The following EIF4G3 variants were observed in gnomAD, a reference collection of about 807,000 sequenced individuals.
EIF4G3 encodes the protein eukaryotic translation initiation factor 4 gamma 3, also known as eIF-4-gamma 3.
A neutral mutation model predicts 186.4 loss-of-function variants in EIF4G3; 34 were observed. The ratio of observed to expected loss-of-function variants is 0.18; its 90% CI spans 0.14 to 0.24. The LOEUF (loss-of-function observed/expected upper bound fraction) is 0.24. EIF4G3 is among the 10% of genes least tolerant of loss of function. The probability of loss-of-function intolerance (pLI) is 1.00; values close to 1 mark genes in which losing one functional copy is unlikely to be tolerated. For synonymous variants in EIF4G3, 673 were observed against 679.5 expected, an observed-to-expected ratio of 0.99 and a Z score of 0.15; for missense variants, 1,536 against 1,948.5, an observed-to-expected ratio of 0.79 and a Z score of 3.99.
intron 2 of EIF4G3, among the ~76,000 whole-genome samples, chr1:21,158,019 C>G (rs371379753): frequency 6.6e-6 from 1 of 152,124 alleles, no homozygotes; most frequent in Admixed American, 6.5e-5. Context: ...ATTTGACCAA[C>G]TGGAGGTTTC....
chr1:20,893,740 A>G, intron 17 of EIF4G3, 104 bp from the exon 18 acceptor site: 2 of 1,324,614 alleles, frequency 1.5e-6, no homozygotes, highest in African/African-American at 1.5e-5. Flanking sequence ...CTGAAACGGT[A>G]AGCACCAGCT....
At chr1:20,828,953 T>C (rs1301309033) in intron 31 of EIF4G3, among the ~76,000 whole-genome samples, 194 bp downstream of exon 31, 3 of 152,078 alleles carry the variant, frequency 2.0e-5, no homozygotes, top group African/African-American at 7.2e-5. Context: ...GGCTATCATA[T>C]CCCCAGAATA....
intron 3 of EIF4G3, among the ~76,000 whole-genome samples, chr1:21,073,409 A>C (rs901547986): frequency 2.0e-5 from 3 of 152,228 alleles, no homozygotes; most frequent in African/African-American, 4.8e-5. Flanking sequence ...CTCAAAAGGA[A>C]ATGCTCTACT....
At chr1:20,819,746 C>A (rs2061856775) in intron 33 of EIF4G3, among the ~76,000 whole-genome samples, 1 of 152,058 alleles carries the variant, frequency 6.6e-6, no homozygotes, top group African/African-American at 2.4e-5. Flanking sequence ...AGGCTTAATA[C>A]CTGGGTGACA....
chr1:20,810,987 T>C lies in EIF4G3; in HGVS notation c.4598-103A>G, dbSNP rs1306736513. 1.2e-4 allele frequency: 147 copies of C among 1,181,326 alleles called. No individual in the cohort carries two copies. The highest frequency in any genetic ancestry group is 3.1e-4 in the Middle Eastern group (1 of 3,256). The allele number at this position is 1,181,326 out of a possible 1,614,324, so 73.2% of individuals were successfully genotyped here. A position where few individuals can be genotyped will look rare whatever the true frequency, so the allele number is the denominator to read the frequency against. ...TTTTTTGAGACAGAGCCTCACTCTA[T>C]TGCCCAGGCTGGAGTGCAGTGGCAC... On this transcript the variant is annotated intron_variant, in intron 35 of 36. Transcript: ENST00000602326. The surrounding 1 kb of genome is among the most constrained non-coding windows in gnomAD (Gnocchi z 4.1).
At chr1:21,044,894 C>CTGAG (rs1263007636) in intron 4 of EIF4G3, among the ~76,000 whole-genome samples, 4 of 152,288 alleles carry the variant, frequency 2.6e-5, no homozygotes, top group Non-Finnish European at 2.9e-5. Context: ...CTTTGTGAGG[C>CTGAG]TGAGGCTGGA....
intron 7 of EIF4G3, among the ~76,000 whole-genome samples, chr1:20,994,300 T>C (rs973659299): frequency 2.6e-5 from 4 of 152,212 alleles, no homozygotes; most frequent in Admixed American, 2.0e-4. Flanking sequence ...ATACCACACA[T>C]AATGCCGGTT....
chr1:21,034,275 A>T (rs1022286631), intron 4 of EIF4G3, among the ~76,000 whole-genome samples: 1 of 152,210 alleles, frequency 6.6e-6, no homozygotes, highest in Admixed American at 6.5e-5. Flanking sequence ...GTTATCTACC[A>T]CAAATATTGC....
chr1:20,841,013 C>T lies in EIF4G3; in HGVS notation c.3904G>A (p.Val1302Met), dbSNP rs1160831286. Residue 1302 changes from valine to methionine, a missense_variant, in exon 30 of 37, where the codon GTG becomes ATG. By Grantham distance (21) the Val-to-Met change is conservative. Transcript: ENST00000602326. ...AGGCCCTGGGCATTCAGCTCTTCCA[C>T]ACACTGCATGGCTTCCTGTTCCAAC... ...INDFKEAMQC[V>M]EELNAQGLLH... is the part of the protein sequence containing the mutation. 1 of 1,614,030 alleles carries T rather than the reference C, an allele frequency of 6.2e-7. No homozygotes were observed. Among genetic ancestry groups the T allele is most frequent in the Admixed American group, 1.7e-5 (1 of 59,970 alleles).
intron 11 of EIF4G3, among the ~76,000 whole-genome samples, chr1:20,972,549 G>T (rs143558399): frequency 3.3e-5 from 5 of 151,982 alleles, no homozygotes; most frequent in African/African-American, 1.2e-4. Flanking sequence ...CATGAGAATC[G>T]CTTGAGCCCC....
chr1:20,998,710 T>C (rs947937665), intron 6 of EIF4G3: 3 of 219,778 alleles, frequency 1.4e-5, no homozygotes, highest in Admixed American at 5.2e-5. Flanking sequence ...ACATTAACTA[T>C]TGTAATATTA....
chr1:21,159,151 G>A (rs978160475), intron 2 of EIF4G3, among the ~76,000 whole-genome samples: 1 of 152,152 alleles, frequency 6.6e-6, no homozygotes, highest in African/African-American at 2.4e-5. Flanking sequence ...AAAAAACAAG[G>A]GCTGGGTGCA....
At chr1:21,152,830 G>C (rs2097574320) in intron 2 of EIF4G3, among the ~76,000 whole-genome samples, 1 of 152,062 alleles carries the variant, frequency 6.6e-6, no homozygotes, top group African/African-American at 2.4e-5. Flanking sequence ...ACAGGTAAAA[G>C]ATCCATTCAA....
At chr1:21,049,592 TCA>T (rs1482057020) in intron 4 of EIF4G3, among the ~76,000 whole-genome samples, 1 of 152,198 alleles carries the variant, frequency 6.6e-6, no homozygotes, top group Non-Finnish European at 1.5e-5. Flanking sequence ...TAGGGCTATT[TCA>T]GTCATGGTTT....
rs376335143 is a variant in EIF4G3, at chr1:20,836,315, T to C, written c.4061+4541A>G. Among the ~76,000 whole-genome samples the C allele has an allele frequency of 2.3e-4, 35 of 152,198 alleles. 3 individuals are homozygous for C. Among genetic ancestry groups the C allele is most frequent in the African/African-American group, 6.3e-4 (26 of 41,532 alleles). ...CTGGGGTGCAGTGATGCTCTCGCAG[T>C]TCACTACAGCTTGAACTCCCGGGCT... is the stretch of plus-strand genomic sequence containing the variant. On this transcript the variant is annotated intron_variant, in intron 30 of 36. Coordinates refer to ENST00000602326, the MANE Select transcript of EIF4G3 (RefSeq NM_001391906.1).
At chr1:21,083,302 A>ATT (rs1428038806) in intron 3 of EIF4G3, among the ~76,000 whole-genome samples, 183 of 152,240 alleles carry the variant, frequency 1.2e-3, no homozygotes, top group Non-Finnish European at 6.2e-4. Context: ...GCTGCCTAAA[A>ATT]ACCTTTCTTC....
At chr1:21,118,931 TAAAAAA>T (rs35040627) in intron 2 of EIF4G3, among the ~76,000 whole-genome samples, 5 of 86,152 alleles carry the variant, frequency 5.8e-5, no homozygotes, top group South Asian at 4.6e-4. Context: ...CAAGCTCTAT[TAAAAAA>T]AAAAAAAAAA....
rs1331711107 is a variant in EIF4G3 at position 20,840,962 on chromosome 1, C to G, written c.3955G>C (p.Val1319Leu). ...TGGCTCCTTTCCAGGGTGGACTCCA[C>G]TCCCACTCTCACAAAAACATGTAGT... ...GLLHVFVRVG[V>L]ESTLERSQIT... The change falls in exon 30 of 37, where the codon GTG (valine) becomes CTG (leucine). Residue 1319 changes from valine to leucine, a missense_variant. Val to Leu is a conservative substitution (Grantham distance 32). Transcript: ENST00000602326. The G allele has an allele frequency of 6.2e-7, 1 of 1,614,150 alleles. No homozygotes were observed. Among genetic ancestry groups the G allele is most frequent in the Non-Finnish European group, 8.5e-7 (1 of 1,180,022 alleles).
intron 6 of EIF4G3, chr1:20,998,871 A>G: frequency 2.4e-6 from 1 of 419,024 alleles, no homozygotes; most frequent in Non-Finnish European, 4.8e-6. Flanking sequence ...AAGGAGCAAA[A>G]ATATATGTCT....
Sources: gnomAD v4.1 joint callset for allele counts (sites outside exome capture counted in the v4.1 genomes callset) on GRCh38, gnomAD v4.1.1 for gene constraint, Gnocchi (gnomAD v3.1) non-coding constraint, MANE v1.5 for transcripts, NCBI Gene and HGNC (gene_info 2026-07-23, HGNC 2026-07-21) for gene names.